Variants in PRKG1 observed in about 807,000 individuals in gnomAD.
PRKG1 encodes protein kinase cGMP-dependent 1.
In PRKG1, 35 loss-of-function variants were observed where a neutral mutation model predicts 88.1. That is an observed-to-expected ratio of 0.40 (90% confidence interval 0.30 to 0.53). PRKG1 has a LOEUF of 0.53. PRKG1 is among the 20% of genes least tolerant of loss of function. The pLI is 0.59. For missense variants in PRKG1, 540 were observed against 839.8 expected (o/e 0.64, Z 4.41); for synonymous variants, 303 against 292.5 (o/e 1.04, Z -0.37).
intron 10 of PRKG1, among the ~76,000 whole-genome samples, chr10:52,263,847 A>C (rs1841497269): frequency 6.6e-6 from 1 of 152,116 alleles, no homozygotes; most frequent in Non-Finnish European, 1.5e-5. Flanking sequence ...CTGGCATTAC[A>C]GGTGTAAACC....
chr10:51,788,777 CA>C (rs906550331), intron 3 of PRKG1, among the ~76,000 whole-genome samples: 1 of 152,050 alleles, frequency 6.6e-6, no homozygotes, highest in Non-Finnish European at 1.5e-5. Flanking sequence ...AGGTATATGA[CA>C]AAAATGGAAA....
intron 5 of PRKG1, among the ~76,000 whole-genome samples, chr10:51,941,681 C>A (rs1842911681): frequency 6.8e-6 from 1 of 147,978 alleles, no homozygotes; most frequent in Admixed American, 6.8e-5. Context: ...TCAATTCCCA[C>A]CTATGAATAA....
chr10:52,273,942 C>T lies in PRKG1; in HGVS notation c.1403+1461C>T, dbSNP rs752665559. 2.6e-5 allele frequency among the ~76,000 whole-genome samples: 4 copies of T among 152,116 alleles called. No homozygotes were observed. The South Asian group carries it at 8.3e-4, about 32-fold the overall frequency. On this transcript the variant is annotated intron_variant, in intron 12 of 17. Transcript: ENST00000373980. ...GTTAATATTTTAATCTGTGAGTTAA[C>T]ATTTGGCATATCTAATGTGTTTCTA...
At chr10:51,879,872 C>G (rs1036124564) in intron 4 of PRKG1, among the ~76,000 whole-genome samples, 1 of 152,212 alleles carries the variant, frequency 6.6e-6, no homozygotes, top group African/African-American at 2.4e-5. Context: ...CACAAATATA[C>G]TACCTGAATC....
At chr10:51,801,070 T>G (rs1231805015) in intron 3 of PRKG1, among the ~76,000 whole-genome samples, 1 of 152,114 alleles carries the variant, frequency 6.6e-6, no homozygotes, top group Non-Finnish European at 1.5e-5. Flanking sequence ...TTTTTGTGTA[T>G]TCACAGCCCC....
At chr10:51,484,996 A>C (rs1415008977) in intron 3 of PRKG1, among the ~76,000 whole-genome samples, 1 of 152,202 alleles carries the variant, frequency 6.6e-6, no homozygotes, top group Non-Finnish European at 1.5e-5. Context: ...TGCAAAATCC[A>C]AAACATTGAA....
chr10:51,730,043 G>A (rs1355193096), intron 3 of PRKG1, among the ~76,000 whole-genome samples: 1 of 152,148 alleles, frequency 6.6e-6, no homozygotes, highest in East Asian at 1.9e-4. Context: ...GTTTACATTA[G>A]GGTTCACTTG....
intron 5 of PRKG1, among the ~76,000 whole-genome samples, chr10:52,000,314 G>C (rs567057845): frequency 1.6e-5 from 2 of 125,142 alleles, no homozygotes; most frequent in Non-Finnish European, 3.4e-5. Flanking sequence ...TCAAAAATGA[G>C]TGAGACAGCA....
chr10:52,115,491 G>A (rs571236697), intron 7 of PRKG1, among the ~76,000 whole-genome samples: 18 of 152,076 alleles, frequency 1.2e-4, no homozygotes, highest in African/African-American at 4.3e-4. Context: ...GCTGTTCCTG[G>A]TGACATGACC....
intron 2 of PRKG1, among the ~76,000 whole-genome samples, chr10:51,465,691 T>C (rs934732293): frequency 1.2e-4 from 18 of 152,230 alleles, no homozygotes; most frequent in African/African-American, 4.1e-4. Context: ...CAACCCCCCA[T>C]AGAGAGGGAA....
intron 5 of PRKG1, among the ~76,000 whole-genome samples, chr10:52,027,311 T>C (rs10762537): frequency 1 from 151,530 of 152,248 alleles, 75,410 homozygotes; most frequent in Middle Eastern, 1. Context: ...GATATGTGTA[T>C]GGGTGGAGGG....
At chr10:51,184,941 A>G (rs1158120067) in intron 2 of PRKG1, among the ~76,000 whole-genome samples, 1 of 152,172 alleles carries the variant, frequency 6.6e-6, no homozygotes, top group African/African-American at 2.4e-5. Flanking sequence ...CGAGAGGCCA[A>G]TTGATCTCTC....
chr10:51,470,031 G>A (rs1433039405), intron 3 of PRKG1, among the ~76,000 whole-genome samples: 2 of 151,770 alleles, frequency 1.3e-5, no homozygotes, highest in East Asian at 1.9e-4. Flanking sequence ...ACTTGTGACT[G>A]TAGGCCTCAA....
intron 2 of PRKG1, among the ~76,000 whole-genome samples, chr10:51,294,783 G>T (rs1312868014): frequency 6.6e-6 from 1 of 151,982 alleles, no homozygotes; most frequent in African/African-American, 2.4e-5. Flanking sequence ...GTTCAATATT[G>T]CTTTGAGAGG....
intron 2 of PRKG1, among the ~76,000 whole-genome samples, chr10:51,443,573 A>T (rs1370368480): frequency 6.6e-6 from 1 of 152,030 alleles, no homozygotes; most frequent in Non-Finnish European, 1.5e-5. Flanking sequence ...AGGGAAAGTA[A>T]ACTTGTTTTT....
At chr10:51,621,838 T>G (rs902899391) in intron 3 of PRKG1, among the ~76,000 whole-genome samples, 4 of 152,200 alleles carry the variant, frequency 2.6e-5, no homozygotes, top group Non-Finnish European at 5.9e-5. Flanking sequence ...TAAAATTTAA[T>G]CGACTTGTTT....
intron 1 of PRKG1, among the ~76,000 whole-genome samples, chr10:51,101,102 C>G (rs569513105): frequency 6.6e-6 from 1 of 152,184 alleles, no homozygotes; most frequent in African/African-American, 2.4e-5. Flanking sequence ...CTACCCCACA[C>G]GAGAATTCAT....
intron 2 of PRKG1, among the ~76,000 whole-genome samples, chr10:51,188,309 G>A (rs902572198): frequency 2.0e-5 from 3 of 151,848 alleles, no homozygotes; most frequent in African/African-American, 7.3e-5. Context: ...AAATACATGA[G>A]GCTTTTCATG....
At chr10:51,435,621 A>T (rs1256972719) in intron 2 of PRKG1, among the ~76,000 whole-genome samples, 2 of 151,926 alleles carry the variant, frequency 1.3e-5, no homozygotes, top group Non-Finnish European at 2.9e-5. Flanking sequence ...TTCAAAGTAC[A>T]CTGGAAACTA....
Sources: gnomAD v4.1 joint callset for allele counts (sites outside exome capture counted in the v4.1 genomes callset) on GRCh38, gnomAD v4.1.1 for gene constraint, MANE v1.5 for transcripts, NCBI Gene and HGNC (gene_info 2026-07-23, HGNC 2026-07-21) for gene names.